Variants in PCGF5 observed in about 807,000 individuals in gnomAD.
PCGF5 encodes the protein polycomb group ring finger 5, also known as polycomb group RING finger protein 5.
Under a neutral mutation model 44.3 loss-of-function variants are expected in PCGF5, and 9 were observed. The observed-to-expected ratio is 0.20, with a 90% CI of 0.12 to 0.35. PCGF5 has a LOEUF of 0.35. PCGF5 is among the 10% of genes least tolerant of loss of function. The pLI, the probability that PCGF5 is intolerant of heterozygous loss-of-function variation, is 1.00. For synonymous variants in PCGF5, 95 were observed against 102.5 expected (o/e 0.93, Z 0.44); for missense variants, 146 against 305.3 (o/e 0.48, Z 3.89).
intron 1 of PCGF5, among the ~76,000 whole-genome samples, chr10:91,186,093 C>A (rs555399939): frequency 1.3e-5 from 2 of 152,296 alleles, no homozygotes; most frequent in Admixed American, 1.3e-4. Flanking sequence ...TCTTGAATTT[C>A]CTGTGCAGTA....
upstream of PCGF5, among the ~76,000 whole-genome samples, chr10:91,219,550 T>C (rs553129779): frequency 3.0e-4 from 46 of 152,332 alleles, 1 homozygote; most frequent in South Asian, 9.3e-3. Flanking sequence ...TCATTTGACC[T>C]CACTTGTTTT....
chr10:91,161,930 C>A (rs1166578237), upstream of PCGF5, among the ~76,000 whole-genome samples: 2 of 151,944 alleles, frequency 1.3e-5, no homozygotes, highest in African/African-American at 4.8e-5. Flanking sequence ...AGCACATGCA[C>A]ACAACTGACC....
At chr10:91,208,048 G>C (rs1010946779) in intron 1 of PCGF5, among the ~76,000 whole-genome samples, 3 of 152,100 alleles carry the variant, frequency 2.0e-5, no homozygotes, top group African/African-American at 7.2e-5. Context: ...GAGAGACACT[G>C]TACAACTATG....
At chr10:91,242,841 T>C (rs997423795) in intron 3 of PCGF5, among the ~76,000 whole-genome samples, 1 of 152,202 alleles carries the variant, frequency 6.6e-6, no homozygotes, top group Non-Finnish European at 1.5e-5. Flanking sequence ...AAGGATATTA[T>C]ATTACATAAC....
intron 1 of PCGF5, among the ~76,000 whole-genome samples, chr10:91,213,285 C>A (rs1252685518): frequency 6.6e-6 from 1 of 152,098 alleles, no homozygotes; most frequent in Non-Finnish European, 1.5e-5. Context: ...ACATCTATTT[C>A]TTAGTCTGTG....
chr10:91,233,676 A>G (rs1169851873), intron 2 of PCGF5, among the ~76,000 whole-genome samples: 1 of 152,230 alleles, frequency 6.6e-6, no homozygotes, highest in Non-Finnish European at 1.5e-5. Context: ...AAGAATAGGT[A>G]TCAAAAGCAG....
rs534413560 is a variant in PCGF5 at position 91,194,170 on chromosome 10, A to T, written c.-183-28519A>T. Reference sequence around the variant, plus strand: ...AGAATAATGGCCTCTAAAGATGTTCATCCTAATCCCCAGAAAATGTGAATG... The same window carrying T: ...AGAATAATGGCCTCTAAAGATGTTCTTCCTAATCCCCAGAAAATGTGAATG... On this transcript the variant is annotated intron_variant, in intron 1 of 9. Transcript: ENST00000614189. 2.0e-5 allele frequency among the ~76,000 whole-genome samples: 3 copies of T among 152,304 alleles called. No individual in the cohort carries two copies. In the South Asian group the frequency reaches 6.2e-4, roughly 32 times the overall value.
At chr10:91,191,911 A>T (rs1456542154) in intron 1 of PCGF5, among the ~76,000 whole-genome samples, 1 of 152,112 alleles carries the variant, frequency 6.6e-6, no homozygotes, top group East Asian at 1.9e-4. Flanking sequence ...CAGAAATTTA[A>T]TTTTCACTCT....
At chr10:91,269,468 T>C (rs1184372597) in intron 8 of PCGF5, among the ~76,000 whole-genome samples, 1 of 152,224 alleles carries the variant, frequency 6.6e-6, no homozygotes, top group Non-Finnish European at 1.5e-5. Context: ...AATACATTAA[T>C]AATAACTCCT....
chr10:91,268,583 A>G (rs186561208), intron 8 of PCGF5, among the ~76,000 whole-genome samples: 291 of 152,190 alleles, frequency 1.9e-3, no homozygotes, highest in African/African-American at 6.6e-3. Flanking sequence ...CATATTGGAT[A>G]CCACTCTCTG....
At chr10:91,160,202 C>A (rs1279085556), upstream of PCGF5, among the ~76,000 whole-genome samples, 3 of 151,998 alleles carry the variant, frequency 2.0e-5, no homozygotes, top group African/African-American at 7.2e-5. Flanking sequence ...TGAAATGCAC[C>A]TCCTCTAAAT....
At chr10:91,242,920 T>C (rs1489621393) in intron 3 of PCGF5, among the ~76,000 whole-genome samples, 3 of 152,206 alleles carry the variant, frequency 2.0e-5, no homozygotes, top group African/African-American at 7.2e-5. Flanking sequence ...AATTTAATGA[T>C]GTCCTTTATA....
upstream of PCGF5, among the ~76,000 whole-genome samples, chr10:91,159,059 GCT>G (rs1843350083): frequency 2.0e-5 from 3 of 152,198 alleles, no homozygotes; most frequent in African/African-American, 7.2e-5. Flanking sequence ...AGAAATTGGA[GCT>G]AGAAAGATAA....
chr10:91,194,085 G>A (rs1158456900), intron 1 of PCGF5, among the ~76,000 whole-genome samples: 1 of 152,146 alleles, frequency 6.6e-6, no homozygotes, highest in East Asian at 1.9e-4. Flanking sequence ...GGTCAGCTTG[G>A]ACATACTGAG....
At chr10:91,174,098 A>T (rs1843660547) in intron 1 of PCGF5, among the ~76,000 whole-genome samples, 1 of 150,558 alleles carries the variant, frequency 6.6e-6, no homozygotes. Flanking sequence ...TATCTAACCT[A>T]CAGTGGCCCA....
Position 91,178,614 on chromosome 10 carries a change from C to G in PCGF5, c.-184+15533C>G, listed in dbSNP as rs187962835. Among the ~76,000 whole-genome samples the G allele has an allele frequency of 6.5e-3, 990 of 152,006 alleles. 10 individuals are homozygous for G. The highest frequency in any genetic ancestry group is 0.023 in the African/African-American group (950 of 41,444). ...CATGTTGTCCAGGCTGGTCTCAAAC[C>G]CCTGGGCCAGCCAGTCCTCCCACCT... On this transcript the variant is annotated intron_variant, in intron 1 of 9. Coordinates refer to the PCGF5 transcript ENST00000614189.
chr10:91,185,119 A>C (rs1040770580), intron 1 of PCGF5, among the ~76,000 whole-genome samples: 3 of 152,188 alleles, frequency 2.0e-5, no homozygotes, highest in African/African-American at 7.2e-5. Context: ...CAGCTAAGTC[A>C]CCCAGACAGC....
At chr10:91,225,043 T>A (rs1844781366) in intron 2 of PCGF5, among the ~76,000 whole-genome samples, 1 of 151,980 alleles carries the variant, frequency 6.6e-6, no homozygotes, top group South Asian at 2.1e-4. Flanking sequence ...ACTCTCGCAT[T>A]TCTATCTATA....
intron 2 of PCGF5, among the ~76,000 whole-genome samples, chr10:91,236,101 T>TA (rs11385471): frequency 0.12 from 18,801 of 152,036 alleles, 2,140 homozygotes; most frequent in African/African-American, 0.3. Context: ...AATAATAAAT[T>TA]AAAAAAATAT....
Sources: gnomAD v4.1 joint callset for allele counts (sites outside exome capture counted in the v4.1 genomes callset) on GRCh38, gnomAD v4.1.1 for gene constraint, MANE v1.5 for transcripts, NCBI Gene and HGNC (gene_info 2026-07-23, HGNC 2026-07-21) for gene names.